Variants in SEMA3D observed in about 807,000 individuals in gnomAD.
The protein encoded by SEMA3D is semaphorin-3D.
SEMA3D carries 84 observed loss-of-function variants against 100.1 expected under a neutral mutation model. That is an observed-to-expected ratio of 0.84 (90% CI 0.70 to 1.01). The LOEUF is 1.01. SEMA3D is among the 50% of genes least tolerant of loss of function. SEMA3D has a pLI of 0.00. For missense variants in SEMA3D, 875 were observed against 934.1 expected, an observed-to-expected ratio of 0.94 and a Z score of 0.82; for synonymous variants, 312 against 320.7, an observed-to-expected ratio of 0.97 and a Z score of 0.29.
chr7:85,215,898 A>G, the SEMA3D span, among the ~76,000 whole-genome samples: 6 of 152,058 alleles, frequency 3.9e-5, no homozygotes, highest in African/African-American at 1.4e-4. Flanking sequence ...GAAAAATAAT[A>G]ATTTCATAAA....
chr7:85,184,817 C>A (rs1476462631), intron 1 of SEMA3D, among the ~76,000 whole-genome samples: 1 of 152,184 alleles, frequency 6.6e-6, no homozygotes, highest in African/African-American at 2.4e-5. Flanking sequence ...CCAGGGCCAT[C>A]ACTTTGCGCC....
the SEMA3D span, among the ~76,000 whole-genome samples, chr7:85,244,356 C>T: frequency 6.6e-6 from 1 of 152,292 alleles, no homozygotes; most frequent in South Asian, 2.1e-4. Context: ...ATCATCTAAA[C>T]ATCTCCCACT....
chr7:85,044,738 T>A lies in SEMA3D; in HGVS notation c.862-2453A>T, dbSNP rs141003266. 8.9e-3 allele frequency among the ~76,000 whole-genome samples: 1,348 copies of A among 152,240 alleles called. 24 individuals carry two copies. Among genetic ancestry groups the A allele is most frequent in the South Asian group, 0.017 (80 of 4,834 alleles). ...CATATACATAATAGATACACAGTAG[T>A]AAACCACAGTTTAAAATCTAGACCA... is the stretch of plus-strand genomic sequence containing the variant. On this transcript the variant is annotated intron_variant, in intron 9 of 18. Coordinates refer to ENST00000284136, the MANE Select transcript of SEMA3D (RefSeq NM_001384900.1).
the SEMA3D span, among the ~76,000 whole-genome samples, chr7:85,248,880 CTG>C: frequency 6.6e-6 from 1 of 152,040 alleles, no homozygotes; most frequent in East Asian, 1.9e-4. Context: ...AGTAAAACTT[CTG>C]TGTGATACTA....
chr7:85,068,856 A>G (rs1791696709), intron 6 of SEMA3D, among the ~76,000 whole-genome samples: 1 of 152,164 alleles, frequency 6.6e-6, no homozygotes. Context: ...GTAGTATTTC[A>G]CTATGACGAA....
At chr7:85,026,623 T>C (rs1017669627) in intron 12 of SEMA3D, among the ~76,000 whole-genome samples, 2 of 152,070 alleles carry the variant, frequency 1.3e-5, no homozygotes, top group Non-Finnish European at 2.9e-5. Flanking sequence ...CTGGATATTA[T>C]TTTTGAATTA....
chr7:85,037,146 T>G (rs554954021), intron 11 of SEMA3D, 113 bp from the exon 12 acceptor site: 1 of 966,036 alleles, frequency 1.0e-6, no homozygotes, highest in East Asian at 2.6e-5. Flanking sequence ...CACATTAAAT[T>G]TGATGGGTAC....
At chr7:85,112,600 G>T (rs568865049) in intron 3 of SEMA3D, among the ~76,000 whole-genome samples, 1 of 152,266 alleles carries the variant, frequency 6.6e-6, no homozygotes, top group East Asian at 1.9e-4. Context: ...CACACAGCTT[G>T]GTTGTGCTAT....
At chr7:85,200,928 C>T in the SEMA3D span, among the ~76,000 whole-genome samples, 2 of 152,194 alleles carry the variant, frequency 1.3e-5, no homozygotes, top group Admixed American at 6.5e-5. Flanking sequence ...TGGACTAATA[C>T]ACAGTTGTAT....
chr7:85,078,646 T>G (rs942330498), intron 5 of SEMA3D, among the ~76,000 whole-genome samples: 1 of 152,230 alleles, frequency 6.6e-6, no homozygotes, highest in Admixed American at 6.5e-5. Flanking sequence ...TTCTTTGGAT[T>G]AAACTGGGGA....
intron 18 of SEMA3D, among the ~76,000 whole-genome samples, chr7:85,005,752 C>A (rs557174723): frequency 6.6e-6 from 1 of 151,932 alleles, no homozygotes; most frequent in Non-Finnish European, 1.5e-5. Context: ...CAGTACACAC[C>A]AGGGGCACCC....
intron 2 of SEMA3D, among the ~76,000 whole-genome samples, chr7:85,134,919 C>A (rs1291395594): frequency 1.3e-5 from 2 of 151,958 alleles, no homozygotes; most frequent in African/African-American, 4.8e-5. Context: ...AAGATTCATA[C>A]CCTCCAAAAC....
chr7:85,244,990 C>T, the SEMA3D span, among the ~76,000 whole-genome samples: 5 of 152,054 alleles, frequency 3.3e-5, no homozygotes, highest in South Asian at 2.1e-4. Context: ...GATTTACAGG[C>T]GTGAGCCACT....
intron 8 of SEMA3D, among the ~76,000 whole-genome samples, chr7:85,063,515 A>G (rs1791532687): frequency 6.6e-6 from 1 of 152,224 alleles, no homozygotes; most frequent in Non-Finnish European, 1.5e-5. Flanking sequence ...TTTTCCCAGC[A>G]TACAAATCTC....
At chr7:85,191,658 G>A (rs958226316), upstream of SEMA3D, among the ~76,000 whole-genome samples, 1 of 152,080 alleles carries the variant, frequency 6.6e-6, no homozygotes, top group Non-Finnish European at 1.5e-5. Context: ...TGTATTCCAA[G>A]TGGAATTAAA....
At chr7:85,202,732 C>T in the SEMA3D span, among the ~76,000 whole-genome samples, 1 of 152,054 alleles carries the variant, frequency 6.6e-6, no homozygotes, top group Non-Finnish European at 1.5e-5. Context: ...CCAAAAAACA[C>T]ATGAAAAAAT....
chr7:85,140,430 A>T (rs1180493576), intron 2 of SEMA3D: 1 of 983,584 alleles, frequency 1.0e-6, no homozygotes, highest in Non-Finnish European at 1.2e-6. Context: ...AAATGAAGGG[A>T]CTAGTGATGA....
intron 5 of SEMA3D, among the ~76,000 whole-genome samples, chr7:85,078,113 T>C (rs1787936931): frequency 6.6e-6 from 1 of 152,056 alleles, no homozygotes. Flanking sequence ...AATTAGTAAA[T>C]AGATAAGATA....
intron 6 of SEMA3D, 99 bp from the exon 7 acceptor site, chr7:85,068,383 A>G: frequency 2.9e-6 from 2 of 694,040 alleles, no homozygotes; most frequent in South Asian, 3.4e-5. Flanking sequence ...TGAATTTGAT[A>G]AAACTAATTG....
Sources: allele counts gnomAD v4.1 joint callset (sites outside exome capture counted in the v4.1 genomes callset), GRCh38; gene constraint gnomAD v4.1.1; transcripts MANE v1.5; gene names NCBI Gene and HGNC (gene_info 2026-07-23, HGNC 2026-07-21).